Variants in MB21D2 observed in about 807,000 individuals in gnomAD.
The protein encoded by MB21D2 is Mab-21 domain containing 2, also known as nucleotidyltransferase MB21D2.
A neutral mutation model predicts 33.3 loss-of-function variants in MB21D2; 9 were observed. The ratio of observed to expected loss-of-function variants is 0.27; its 90% confidence interval spans 0.16 to 0.47. The LOEUF is 0.47. MB21D2 is among the 20% of genes least tolerant of loss of function. MB21D2 has a pLI of 0.99. For missense variants in MB21D2, 540 were observed against 624.6 expected, an observed-to-expected ratio of 0.86 and a Z score of 1.44; for synonymous variants, 241 against 236.3, an observed-to-expected ratio of 1.02 and a Z score of -0.18.
At chr3:192,820,589 T>G (rs1389692447) in intron 1 of MB21D2, among the ~76,000 whole-genome samples, 4 of 152,252 alleles carry the variant, frequency 2.6e-5, no homozygotes, top group Non-Finnish European at 5.9e-5. Flanking sequence ...TGACTGCTGA[T>G]GAAAGCGTCT....
intron 1 of MB21D2, among the ~76,000 whole-genome samples, chr3:192,816,225 A>T (rs955566268): frequency 1.3e-4 from 19 of 151,314 alleles, no homozygotes; most frequent in African/African-American, 4.1e-4. Context: ...TTTTTTTTTA[A>T]AAAAAAAGAT....
chr3:192,841,612 C>T (rs1712574288), intron 1 of MB21D2, among the ~76,000 whole-genome samples: 1 of 152,250 alleles, frequency 6.6e-6, no homozygotes, highest in Admixed American at 6.5e-5. Flanking sequence ...AAGGCTGCGG[C>T]TCTGGCCGAT....
intron 1 of MB21D2, among the ~76,000 whole-genome samples, chr3:192,861,231 G>C (rs765169673): frequency 2.0e-5 from 3 of 152,140 alleles, no homozygotes; most frequent in Non-Finnish European, 4.4e-5. Flanking sequence ...TCAATCCTTC[G>C]AGTTACCATC....
intron 1 of MB21D2, among the ~76,000 whole-genome samples, chr3:192,872,668 G>A (rs532332770): frequency 7.2e-5 from 11 of 152,184 alleles, no homozygotes; most frequent in East Asian, 1.9e-4. Context: ...TGTTCCCTAC[G>A]GGGATGGCTA....
At position 192,798,069 on chromosome 3, in the gene MB21D2, T is replaced by C. The variant is rs556702402; in HGVS notation, c.*317A>G. 5.7e-5 allele frequency: 14 copies of C among 244,742 alleles called. No homozygotes were observed. Among genetic ancestry groups the C allele is most frequent in the Middle Eastern group, 1.5e-3 (1 of 682 alleles). The allele number at this position is 244,742 out of a possible 1,614,324, so 15.2% of individuals were successfully genotyped here. The stretch of plus-strand genomic sequence containing the variant: ...CCCATGAACAAATTTGCACCAAGTA[T>C]GAAACAGAAAAAAGCAAGAGGATTC... On this transcript the variant is annotated 3_prime_UTR_variant, in exon 2 of 2. Transcript: ENST00000392452. The surrounding 1 kb of genome is among the most constrained non-coding windows in gnomAD (Gnocchi z 4.8).
chr3:192,836,153 T>C (rs907937673), intron 1 of MB21D2, among the ~76,000 whole-genome samples: 8 of 152,184 alleles, frequency 5.3e-5, no homozygotes, highest in Admixed American at 5.2e-4. Context: ...TAATATTAAA[T>C]AGAGGGCATT....
chr3:192,802,068 A>G (rs1560224728), intron 1 of MB21D2, among the ~76,000 whole-genome samples: 1 of 152,162 alleles, frequency 6.6e-6, no homozygotes, highest in African/African-American at 2.4e-5. Context: ...CCTCTTCAAT[A>G]AAGGACTTCC....
intron 1 of MB21D2, among the ~76,000 whole-genome samples, chr3:192,801,348 A>T (rs1310399194): frequency 1.3e-5 from 2 of 152,238 alleles, no homozygotes; most frequent in Non-Finnish European, 2.9e-5. Context: ...AAGTATTATA[A>T]TATTCCATTA....
At position 192,898,911 on chromosome 3, in the gene MB21D2, T is replaced by A. The variant is rs2886870; in HGVS notation, c.211+18719A>T. ...TTAAGTGGGATGAGAGAGATGGGGCTTTCCATCAAAGGCCTCTGTGGGCAG... is the reference window on the plus strand; with the variant it reads ...TTAAGTGGGATGAGAGAGATGGGGCATTCCATCAAAGGCCTCTGTGGGCAG... On this transcript the variant is annotated intron_variant, in intron 1 of 1. Transcript: ENST00000392452. Among the ~76,000 whole-genome samples, 29 of 152,082 alleles carry A rather than the reference T, an allele frequency of 1.9e-4. No individual in the cohort carries two copies. The South Asian group carries it at 2.9e-3, about 15-fold the overall frequency.
intron 1 of MB21D2, among the ~76,000 whole-genome samples, chr3:192,903,936 G>A (rs1424393580): frequency 1.3e-5 from 2 of 152,190 alleles, no homozygotes; most frequent in African/African-American, 4.8e-5. Flanking sequence ...CAGAGGCTGA[G>A]CAGATGCCAG....
intron 1 of MB21D2, among the ~76,000 whole-genome samples, chr3:192,878,173 C>T (rs1713481845): frequency 6.9e-6 from 1 of 145,278 alleles, no homozygotes; most frequent in African/African-American, 2.7e-5. Context: ...AATCTCGGCT[C>T]ACTGCAAGCT....
At chr3:192,829,543 T>C (rs1195370753) in intron 1 of MB21D2, among the ~76,000 whole-genome samples, 1 of 152,248 alleles carries the variant, frequency 6.6e-6, no homozygotes, top group African/African-American at 2.4e-5. Flanking sequence ...ATAATGACTG[T>C]TGTTCCTTTG....
chr3:192,893,945 A>C (rs1427485243), intron 1 of MB21D2, among the ~76,000 whole-genome samples: 1 of 152,088 alleles, frequency 6.6e-6, no homozygotes, highest in African/African-American at 2.4e-5. Context: ...CTGAGGCAAA[A>C]GGATTGTTTG....
At chr3:192,889,796 A>T (rs76583703) in intron 1 of MB21D2, among the ~76,000 whole-genome samples, 3,461 of 152,254 alleles carry the variant, frequency 0.023, 58 homozygotes, top group Non-Finnish European at 0.034. Flanking sequence ...AGAAAACATT[A>T]TAACTCTTAT....
intron 1 of MB21D2, among the ~76,000 whole-genome samples, chr3:192,831,180 A>T (rs1577176274): frequency 6.6e-6 from 1 of 152,224 alleles, no homozygotes; most frequent in East Asian, 1.9e-4. Context: ...GGTGGAAGCC[A>T]GTCACTATGT....
chr3:192,817,715 T>C, intron 1 of MB21D2, among the ~76,000 whole-genome samples: 1 of 152,066 alleles, frequency 6.6e-6, no homozygotes, highest in East Asian at 1.9e-4. Context: ...TCCTCACATC[T>C]CTCACAGGGA....
chr3:192,800,708 G>A (rs150703140), intron 1 of MB21D2, among the ~76,000 whole-genome samples: 15 of 152,304 alleles, frequency 9.8e-5, no homozygotes, highest in African/African-American at 3.1e-4. Context: ...TCTGTCTTCA[G>A]GAAAAGCACT....
chr3:192,814,639 G>C (rs902602268), intron 1 of MB21D2, among the ~76,000 whole-genome samples: 5 of 152,102 alleles, frequency 3.3e-5, no homozygotes, highest in African/African-American at 1.2e-4. Flanking sequence ...AAGGTGGGCA[G>C]ATCACGAGGT....
intron 1 of MB21D2, among the ~76,000 whole-genome samples, chr3:192,913,753 G>A (rs761639128): frequency 1.1e-4 from 16 of 152,094 alleles, no homozygotes; most frequent in East Asian, 1.9e-4. Context: ...GATAGCTTAC[G>A]CCTAGGACTT....
Sources: allele counts gnomAD v4.1 joint callset (sites outside exome capture counted in the v4.1 genomes callset), GRCh38; gene constraint gnomAD v4.1.1; non-coding constraint Gnocchi (gnomAD v3.1); transcripts MANE v1.5; gene names NCBI Gene and HGNC (gene_info 2026-07-23, HGNC 2026-07-21).